The following REPS1 variants were observed in gnomAD, a reference collection of about 807,000 sequenced individuals.
REPS1 encodes the protein ralBP1-associated Eps domain-containing protein 1.
REPS1 carries 39 observed loss-of-function variants against 100.9 expected under a neutral mutation model. The ratio of observed to expected loss-of-function variants is 0.39; its 90% CI spans 0.30 to 0.50. REPS1 has a LOEUF of 0.50. REPS1 is among the 20% of genes least tolerant of loss of function. The pLI, the probability that REPS1 is intolerant of heterozygous loss-of-function variation, is 0.86. For missense variants in REPS1, 821 were observed against 968.5 expected, an observed-to-expected ratio of 0.85 and a Z score of 2.02; for synonymous variants, 324 against 340.3, an observed-to-expected ratio of 0.95 and a Z score of 0.53.
intron 19 of REPS1, chr6:138,907,281 C>A (rs146238613): frequency 6.0e-6 from 2 of 330,946 alleles, no homozygotes; most frequent in Admixed American, 5.4e-5. Context: ...GGTGATAGAG[C>A]GAGATCGTGT....
rs1435427311 is a variant in REPS1 at position 138,904,798 on chromosome 6, C to G, written c.*266G>C. The G allele has an allele frequency of 3.2e-6, 1 of 311,228 alleles. No individual in the cohort carries two copies. Among genetic ancestry groups the G allele is most frequent in the East Asian group, 5.8e-5 (1 of 17,362 alleles). The allele number at this position is 311,228 out of a possible 1,614,324, so 19.3% of individuals were successfully genotyped here. A position where few individuals can be genotyped will look rare whatever the true frequency, so the allele number is the denominator to read the frequency against. On this transcript the variant is annotated 3_prime_UTR_variant, in exon 20 of 20. Coordinates refer to ENST00000450536, the MANE Select transcript of REPS1 (RefSeq NM_001286611.2). ...TGGTGTGTGGTATTAGCCATAGAAGCATTGCATATCCCAGATGCTAGGGAA... is the reference window on the plus strand; with the variant it reads ...TGGTGTGTGGTATTAGCCATAGAAGGATTGCATATCCCAGATGCTAGGGAA...
chr6:138,944,672 T>G (rs1782498356), intron 4 of REPS1, 50 bp from the exon 5 acceptor site: 1 of 1,562,664 alleles, frequency 6.4e-7, no homozygotes, highest in African/African-American at 1.4e-5. Context: ...GGAAAAAAGT[T>G]ACTAGGAAGT....
chr6:138,979,735 C>A (rs1784825900), intron 1 of REPS1, among the ~76,000 whole-genome samples: 1 of 152,138 alleles, frequency 6.6e-6, no homozygotes, highest in African/African-American at 2.4e-5. Flanking sequence ...TGTGTGCTTC[C>A]TAGCGTCCTT....
At chr6:138,985,485 G>A (rs1785206938) in intron 1 of REPS1, among the ~76,000 whole-genome samples, 1 of 152,178 alleles carries the variant, frequency 6.6e-6, no homozygotes, top group African/African-American at 2.4e-5. Flanking sequence ...AGCAATGGAG[G>A]ACTGTGTTTT....
intron 1 of REPS1, among the ~76,000 whole-genome samples, chr6:138,971,472 G>GAA (rs146335119): frequency 2.7e-5 from 4 of 148,336 alleles, no homozygotes; most frequent in East Asian, 3.9e-4. Flanking sequence ...TATATTTTAT[G>GAA]AAAAAAAAAA....
At chr6:138,941,184 A>C in intron 8 of REPS1, 151 bp downstream of exon 8, 2 of 786,680 alleles carry the variant, frequency 2.5e-6, no homozygotes, top group Non-Finnish European at 4.0e-6. Flanking sequence ...AGCTTGGCCC[A>C]TACATCCTAT....
intron 13 of REPS1, 92 bp from the exon 14 acceptor site, chr6:138,916,068 T>A (rs1344820341): frequency 1.1e-6 from 1 of 898,456 alleles, no homozygotes; most frequent in Admixed American, 1.8e-5. Flanking sequence ...CAGCAAAGGA[T>A]CTTATTAGCA....
At position 138,988,224 on chromosome 6, in the gene REPS1, C is replaced by T. The variant is rs545140894; in HGVS notation, c.-542G>A. 2.6e-4 allele frequency: 104 copies of T among 398,542 alleles called. 1 individual carries two copies. The East Asian group carries it at 2.7e-3, about 11-fold the overall frequency. 24.7% of individuals were successfully genotyped at this position (398,542 alleles called of 1,614,324 possible). ...CGCCGCCATTTACAGTGCCCCGGCC[C>T]GGCCCCGACGCGCCCGCACCAACAG... On this transcript the variant is annotated 5_prime_UTR_variant, in exon 1 of 20. Coordinates refer to ENST00000450536, the MANE Select transcript of REPS1 (RefSeq NM_001286611.2).
At chr6:138,935,643 C>T (rs1582770240) in intron 8 of REPS1, among the ~76,000 whole-genome samples, 1 of 152,072 alleles carries the variant, frequency 6.6e-6, no homozygotes, top group East Asian at 1.9e-4. Context: ...TTCACGAGGT[C>T]AGAAGCTCGA....
intron 5 of REPS1, among the ~76,000 whole-genome samples, 197 bp downstream of exon 5, chr6:138,944,301 G>A (rs952389709): frequency 6.6e-6 from 1 of 152,022 alleles, no homozygotes; most frequent in Non-Finnish European, 1.5e-5. Flanking sequence ...ACTTCACTAG[G>A]GAATCAGAAA....
intron 8 of REPS1, chr6:138,934,288 G>A: frequency 2.1e-6 from 1 of 469,450 alleles, no homozygotes; most frequent in Non-Finnish European, 4.4e-6. Flanking sequence ...TCCCTCCTGT[G>A]GGTTCTGCTC....
At chr6:138,962,649 C>T (rs1783804996) in intron 1 of REPS1, among the ~76,000 whole-genome samples, 2 of 152,074 alleles carry the variant, frequency 1.3e-5, no homozygotes, top group African/African-American at 4.8e-5. Context: ...TTCACACTTG[C>T]TGTATCTTCA....
At chr6:138,961,678 T>C (rs1476992618) in intron 1 of REPS1, among the ~76,000 whole-genome samples, 3 of 152,210 alleles carry the variant, frequency 2.0e-5, no homozygotes, top group Admixed American at 1.3e-4. Context: ...TAATTAATAA[T>C]AGTATTGTTA....
At chr6:138,961,329 C>T (rs752480780) in intron 1 of REPS1, among the ~76,000 whole-genome samples, 1 of 152,216 alleles carries the variant, frequency 6.6e-6, no homozygotes, top group South Asian at 2.1e-4. Context: ...CTCCACCTCC[C>T]GGGTTCACGT....
At chr6:138,983,147 A>G (rs1261248611) in intron 1 of REPS1, among the ~76,000 whole-genome samples, 1 of 152,168 alleles carries the variant, frequency 6.6e-6, no homozygotes, top group Non-Finnish European at 1.5e-5. Flanking sequence ...TCACAAATAA[A>G]TTATTTAACT....
intron 1 of REPS1, among the ~76,000 whole-genome samples, chr6:138,955,833 A>C (rs1052913070): frequency 1.2e-4 from 18 of 152,190 alleles, no homozygotes; most frequent in Non-Finnish European, 1.9e-4. Flanking sequence ...CAGTTTCTTC[A>C]TATATTAACT....
chr6:138,964,199 C>T (rs1322706565), intron 1 of REPS1, among the ~76,000 whole-genome samples: 3 of 151,954 alleles, frequency 2.0e-5, no homozygotes, highest in African/African-American at 4.8e-5. Context: ...TGTAAACAGA[C>T]ATTCTCTTGT....
rs1171411356 is a variant in REPS1, at chr6:138,987,608, G to A, written c.75C>T (p.Ser25=). The change falls in exon 1 of 20, where the codon AGC becomes AGT. Residue 25 remains serine (S), a synonymous_variant. Coordinates refer to ENST00000450536, the MANE Select transcript of REPS1 (RefSeq NM_001286611.2). ...GCCCGTTGACCACCACCTTCTTGGT[G>A]CTCTCAATGTCGCAGTAGGAGAAGA... The part of the protein sequence containing the change: ...SDLFSYCDIE[S]TKKVVVNGRV... 2.6e-6 allele frequency: 4 copies of A among 1,551,050 alleles called. No individual in the cohort carries two copies. The highest frequency in any genetic ancestry group is 3.5e-6 in the Non-Finnish European group (4 of 1,146,714).
At chr6:138,925,677 CAGAG>C (rs1056466402) in intron 10 of REPS1, among the ~76,000 whole-genome samples, 165 of 146,698 alleles carry the variant, frequency 1.1e-3, no homozygotes, top group African/African-American at 3.2e-3. Context: ...AAAAAAAAGA[CAGAG>C]AGAGAAAGAA....
Sources: gnomAD v4.1 joint callset for allele counts (sites outside exome capture counted in the v4.1 genomes callset) on GRCh38, gnomAD v4.1.1 for gene constraint, MANE v1.5 for transcripts, NCBI Gene and HGNC (gene_info 2026-07-23, HGNC 2026-07-21) for gene names.